Variants in FTCDNL1 observed in about 807,000 individuals in gnomAD.
FTCDNL1 encodes the protein formiminotransferase cyclodeaminase N-terminal like, also known as formiminotransferase N-terminal subdomain-containing protein.
In FTCDNL1, 11 loss-of-function variants were observed where a neutral mutation model predicts 5.9. That is an observed-to-expected ratio of 1.87 (90% CI 1.18 to 3.10). The LOEUF is 3.10. FTCDNL1 is among the 30% of genes most tolerant of loss of function. FTCDNL1 has a pLI of 0.00. For synonymous variants in FTCDNL1, 58 were observed against 24.8 expected (o/e 2.34, Z -3.99); for missense variants, 115 against 65.5 (o/e 1.76, Z -2.61).
At chr2:199,795,869 C>T (rs567347412) in intron 3 of FTCDNL1, among the ~76,000 whole-genome samples, 1 of 152,164 alleles carries the variant, frequency 6.6e-6, no homozygotes, top group African/African-American at 2.4e-5. Flanking sequence ...CTTTTCTTGT[C>T]TCGGTAAATG....
chr2:199,748,825 T>C, the FTCDNL1 span, among the ~76,000 whole-genome samples: 1 of 152,196 alleles, frequency 6.6e-6, no homozygotes, highest in African/African-American at 2.4e-5. Context: ...TTCGTCCCTC[T>C]GGATTCTGAC....
chr2:199,694,425 G>C, the FTCDNL1 span, among the ~76,000 whole-genome samples: 133 of 152,268 alleles, frequency 8.7e-4, no homozygotes, highest in African/African-American at 2.9e-3. Context: ...TGAATACTTT[G>C]GGCTTTTCCC....
chr2:199,795,745 A>AG (rs1188988836), intron 3 of FTCDNL1, among the ~76,000 whole-genome samples: 1 of 152,214 alleles, frequency 6.6e-6, no homozygotes, highest in Non-Finnish European at 1.5e-5. Context: ...TTCAAGGAGC[A>AG]GGGGGGCCCT....
intron 3 of FTCDNL1, among the ~76,000 whole-genome samples, chr2:199,784,291 C>G (rs919686108): frequency 3.3e-5 from 5 of 152,202 alleles, no homozygotes; most frequent in African/African-American, 1.2e-4. Flanking sequence ...CTGAGATACT[C>G]CTCCAGCAGG....
the FTCDNL1 span, among the ~76,000 whole-genome samples, chr2:199,754,262 G>A: frequency 2.0e-5 from 3 of 152,188 alleles, no homozygotes; most frequent in Non-Finnish European, 4.4e-5. Context: ...TGGTCATGGG[G>A]CCAAGTTGTG....
chr2:199,685,500 A>G, the FTCDNL1 span, among the ~76,000 whole-genome samples: 1 of 152,126 alleles, frequency 6.6e-6, no homozygotes, highest in African/African-American at 2.4e-5. Context: ...CTAAACCAAG[A>G]GCCTCCCAGA....
At chr2:199,694,757 C>A in the FTCDNL1 span, among the ~76,000 whole-genome samples, 1 of 152,114 alleles carries the variant, frequency 6.6e-6, no homozygotes, top group Non-Finnish European at 1.5e-5. Context: ...TTGCTTGAAC[C>A]CAGGAGGTTG....
chr2:199,692,634 A>G, the FTCDNL1 span, among the ~76,000 whole-genome samples: 1 of 152,212 alleles, frequency 6.6e-6, no homozygotes, highest in Non-Finnish European at 1.5e-5. Context: ...GCAAGCCACA[A>G]CCTACTAATA....
the FTCDNL1 span, among the ~76,000 whole-genome samples, chr2:199,684,982 T>C: frequency 1.3e-5 from 2 of 152,162 alleles, no homozygotes; most frequent in Admixed American, 1.3e-4. Context: ...CTTTTTTCCC[T>C]GAGTCTGTAA....
chr2:199,825,051 T>C (rs144570258), intron 3 of FTCDNL1, among the ~76,000 whole-genome samples: 1 of 151,290 alleles, frequency 6.6e-6, no homozygotes, highest in African/African-American at 2.4e-5. Context: ...GATCAGAGGA[T>C]TGCTTCAGCC....
At chr2:199,691,209 G>T in the FTCDNL1 span, among the ~76,000 whole-genome samples, 2 of 152,108 alleles carry the variant, frequency 1.3e-5, no homozygotes, top group African/African-American at 2.4e-5. Context: ...TTTTGCTCTT[G>T]TTGGCCAGGC....
In FTCDNL1 at chr2:199,842,366, C is replaced by T. The variant is rs139676889; in HGVS notation, c.211+3709G>A. Among the ~76,000 whole-genome samples the T allele has an allele frequency of 1.8e-3, 274 of 152,242 alleles. 1 individual carries two copies. Among genetic ancestry groups the T allele is most frequent in the Non-Finnish European group, 3.3e-3 (222 of 68,004 alleles). On this transcript the variant is annotated intron_variant, in intron 3 of 4. Coordinates refer to ENST00000420128, the MANE Select transcript of FTCDNL1 (RefSeq NM_001363886.2). ...CAGGAATGTGTTTCCCATTCCACAC[C>T]TCTAAGTTCCATGCAGCCATACTGA...
At chr2:199,777,293 CAAAAAAAG>C (rs1336381843) in intron 3 of FTCDNL1, among the ~76,000 whole-genome samples, 5 of 149,584 alleles carry the variant, frequency 3.3e-5, no homozygotes, top group African/African-American at 1.2e-4. Context: ...ACTCTGTCTC[CAAAAAAAG>C]AAAAAAAGAA....
chr2:199,831,140 A>G (rs1002511140), intron 3 of FTCDNL1, among the ~76,000 whole-genome samples: 1 of 152,236 alleles, frequency 6.6e-6, no homozygotes, highest in East Asian at 1.9e-4. Context: ...TTGCTAAGAA[A>G]AATTTCACTT....
At chr2:199,742,628 T>C in the FTCDNL1 span, among the ~76,000 whole-genome samples, 2,439 of 152,290 alleles carry the variant, frequency 0.016, 56 homozygotes, top group African/African-American at 0.054. Context: ...TGTTTAATGA[T>C]TTCAACCGCC....
chr2:199,667,628 C>T, the FTCDNL1 span, among the ~76,000 whole-genome samples: 28 of 151,980 alleles, frequency 1.8e-4, no homozygotes, highest in African/African-American at 5.8e-4. Flanking sequence ...AGAGTGAGAC[C>T]CTGTCTCAAG....
chr2:199,752,092 TTC>T, the FTCDNL1 span, among the ~76,000 whole-genome samples: 1 of 151,760 alleles, frequency 6.6e-6, no homozygotes, highest in African/African-American at 2.4e-5. Flanking sequence ...CCCAGAGAGC[TTC>T]TCTCTCTCCT....
chr2:199,751,580 C>T, the FTCDNL1 span, among the ~76,000 whole-genome samples: 1 of 152,026 alleles, frequency 6.6e-6, no homozygotes, highest in Non-Finnish European at 1.5e-5. Context: ...AAAGGCAGAG[C>T]ACCCCCACTC....
chr2:199,792,698 ACTT>A (rs1255292495), intron 3 of FTCDNL1, among the ~76,000 whole-genome samples: 1 of 151,992 alleles, frequency 6.6e-6, no homozygotes, highest in Non-Finnish European at 1.5e-5. Flanking sequence ...CCCTCTGATG[ACTT>A]CTTATCTCTA....
Sources: allele counts gnomAD v4.1 joint callset (sites outside exome capture counted in the v4.1 genomes callset), GRCh38; gene constraint gnomAD v4.1.1; transcripts MANE v1.5; gene names NCBI Gene and HGNC (gene_info 2026-07-23, HGNC 2026-07-21).